The following SETBP1 variants were observed in gnomAD, a reference collection of about 807,000 sequenced individuals.
The protein encoded by SETBP1 is SET binding protein 1, also known as SET-binding protein.
SETBP1 carries 9 observed loss-of-function variants against 101.0 expected under a neutral mutation model. The ratio of observed to expected loss-of-function variants is 0.09; its 90% confidence interval spans 0.05 to 0.16. The LOEUF (loss-of-function observed/expected upper bound fraction) is 0.16, where lower values mean the gene tolerates loss of function less well. Among genes scored for constraint, SETBP1 ranks in the 10% least tolerant of loss-of-function variants. SETBP1 has a pLI of 1.00. For missense variants in SETBP1, 1,858 were observed against 2,033.8 expected (o/e 0.91, Z 1.66); for synonymous variants, 818 against 788.5 (o/e 1.04, Z -0.63).
Position 44,951,612 on chromosome 18 carries a change from G to A in SETBP1, c.2272G>A (p.Val758Ile). 6.2e-7 allele frequency: 1 copy of A among 1,614,176 alleles called. No individual in the cohort carries two copies. The highest frequency in any genetic ancestry group is 1.1e-5 in the South Asian group (1 of 91,082). Residue 758 changes from valine (V) to isoleucine (I), a missense_variant, in exon 4 of 6, where the codon GTT becomes ATT. By Grantham distance (29) the Val-to-Ile change is conservative. This residue lies in a region of SETBP1 where 121 missense variants were observed against 138.0 expected (regional missense o/e 0.88). Coordinates refer to ENST00000649279, the MANE Select transcript of SETBP1 (RefSeq NM_015559.3). This position sits in a 1 kb window ranked among gnomAD's most constrained non-coding sequence, Gnocchi z 7.8. ...HPRPVSSQPD[V>I]PAVPSNFQSL... ...CAGGCCTGTTTCTAGCCAGCCGGAT[G>A]TTCCAGCCGTGCCTTCCAACTTTCA... is the stretch of plus-strand genomic sequence containing the variant.
chr18:44,945,889 G>A (rs192076034), intron 3 of SETBP1, among the ~76,000 whole-genome samples: 18 of 152,360 alleles, frequency 1.2e-4, no homozygotes, highest in Admixed American at 3.9e-4. Context: ...TAGGATGGGA[G>A]GCAGAGGCTG....
At chr18:44,822,708 G>A (rs538305236) in intron 2 of SETBP1, among the ~76,000 whole-genome samples, 5 of 152,326 alleles carry the variant, frequency 3.3e-5, no homozygotes, top group African/African-American at 1.2e-4. Context: ...AGAAGCTATG[G>A]TTTTGACAGG....
chr18:45,056,585 A>G (rs1260876111), intron 5 of SETBP1, among the ~76,000 whole-genome samples: 2 of 152,228 alleles, frequency 1.3e-5, no homozygotes, highest in African/African-American at 2.4e-5. Context: ...TGTGCACCCC[A>G]CTTGGGAAGC....
intron 3 of SETBP1, among the ~76,000 whole-genome samples, chr18:44,900,664 C>T (rs566994476): frequency 3.2e-4 from 49 of 152,302 alleles, no homozygotes; most frequent in African/African-American, 1.1e-3. Flanking sequence ...TCAGCATCCT[C>T]TGGGGACTTG....
chr18:44,735,929 A>C (rs1177357778), intron 2 of SETBP1, among the ~76,000 whole-genome samples: 1 of 152,210 alleles, frequency 6.6e-6, no homozygotes, highest in Non-Finnish European at 1.5e-5. Flanking sequence ...ATATACTGCT[A>C]TCTTCAGCTG....
intron 3 of SETBP1, among the ~76,000 whole-genome samples, chr18:44,909,863 T>G (rs1186479124): frequency 2.6e-5 from 4 of 152,202 alleles, no homozygotes; most frequent in African/African-American, 9.6e-5. Context: ...GTAGCTCAAA[T>G]AGCATTTTCT....
At chr18:44,999,154 C>T (rs189651781) in intron 4 of SETBP1, among the ~76,000 whole-genome samples, 2 of 152,122 alleles carry the variant, frequency 1.3e-5, no homozygotes, top group East Asian at 1.9e-4. Context: ...ATGAGACTCA[C>T]GTATGTGTGA....
At chr18:44,929,987 TA>T (rs2070791109) in intron 3 of SETBP1, among the ~76,000 whole-genome samples, 1 of 152,236 alleles carries the variant, frequency 6.6e-6, no homozygotes, top group Non-Finnish European at 1.5e-5. Flanking sequence ...ATAGGAGTGG[TA>T]AGAGAGGGCA....
intron 2 of SETBP1, among the ~76,000 whole-genome samples, chr18:44,776,613 C>G (rs530936757): frequency 6.6e-6 from 1 of 152,356 alleles, no homozygotes; most frequent in East Asian, 1.9e-4. Context: ...GTATTCATCA[C>G]TTGAGCTGTG....
chr18:44,886,063 A>G (rs1462208069), intron 3 of SETBP1, among the ~76,000 whole-genome samples: 3 of 152,188 alleles, frequency 2.0e-5, no homozygotes. Flanking sequence ...GGGAAGGACA[A>G]AAGTCTCATG....
Position 44,966,647 on chromosome 18 carries a change from A to G in SETBP1, c.4000+13307A>G, listed in dbSNP as rs2071727193. Among the ~76,000 whole-genome samples, 3 of 152,234 alleles carry G rather than the reference A, an allele frequency of 2.0e-5. No individual in the cohort carries two copies. The South Asian group carries it at 6.2e-4, about 31-fold the overall frequency. On this transcript the variant is annotated intron_variant, in intron 4 of 5. Coordinates refer to ENST00000649279, the MANE Select transcript of SETBP1 (RefSeq NM_015559.3). ...GTGCTGAGCACAGATATTACTGACC[A>G]ACTGACTGTTGATCCTTGCAGACCA...
At chr18:45,025,058 G>C (rs2073138656) in intron 4 of SETBP1, among the ~76,000 whole-genome samples, 1 of 152,158 alleles carries the variant, frequency 6.6e-6, no homozygotes, top group Admixed American at 6.5e-5. Flanking sequence ...CCACTAACAA[G>C]ATAACAAATT....
At chr18:45,016,137 CAATT>C (rs1382614005) in intron 4 of SETBP1, among the ~76,000 whole-genome samples, 11 of 152,178 alleles carry the variant, frequency 7.2e-5, no homozygotes, top group African/African-American at 2.2e-4. Context: ...TAGAGGCAAA[CAATT>C]AGTTTGAGCT....
intron 4 of SETBP1, among the ~76,000 whole-genome samples, chr18:44,982,851 G>T (rs1213139065): frequency 6.6e-6 from 1 of 152,146 alleles, no homozygotes; most frequent in Admixed American, 6.5e-5. Flanking sequence ...GTACTAGTTT[G>T]CTCTGCTAAA....
intron 4 of SETBP1, among the ~76,000 whole-genome samples, chr18:45,015,124 C>T (rs1568029100): frequency 6.6e-6 from 1 of 152,142 alleles, no homozygotes; most frequent in Non-Finnish European, 1.5e-5. Flanking sequence ...GTCCAAGGCA[C>T]AGTGAGTAGA....
intron 3 of SETBP1, among the ~76,000 whole-genome samples, chr18:44,927,177 C>A (rs912224402): frequency 6.6e-6 from 1 of 152,186 alleles, no homozygotes; most frequent in African/African-American, 2.4e-5. Flanking sequence ...TTTACAAAAG[C>A]ACCATGTCTC....
chr18:45,042,356 G>A (rs990075880), intron 5 of SETBP1, among the ~76,000 whole-genome samples: 9 of 152,048 alleles, frequency 5.9e-5, no homozygotes, highest in Non-Finnish European at 4.4e-5. Context: ...CACCGTGTTG[G>A]CCAGGCTGGT....
chr18:44,839,426 G>T (rs1454257276), intron 2 of SETBP1, among the ~76,000 whole-genome samples: 1 of 152,080 alleles, frequency 6.6e-6, no homozygotes, highest in East Asian at 1.9e-4. Flanking sequence ...TGCTGCTGCT[G>T]CTGCTGCGAG....
At chr18:44,741,527 C>A (rs1021639414) in intron 2 of SETBP1, among the ~76,000 whole-genome samples, 3 of 152,112 alleles carry the variant, frequency 2.0e-5, no homozygotes, top group African/African-American at 7.2e-5. Flanking sequence ...TTTTTACCAT[C>A]ATCTTTCTTA....
Sources: gnomAD v4.1 joint callset for allele counts (sites outside exome capture counted in the v4.1 genomes callset) on GRCh38, gnomAD v4.1.1 for gene constraint, gnomAD v4.1.1 regional missense constraint, Gnocchi (gnomAD v3.1) non-coding constraint, MANE v1.5 for transcripts, NCBI Gene and HGNC (gene_info 2026-07-23, HGNC 2026-07-21) for gene names.